Variants in EPHA6 observed in about 807,000 individuals in gnomAD.
EPHA6 encodes ephrin type-A receptor 6.
EPHA6 carries 50 observed loss-of-function variants against 112.0 expected under a neutral mutation model. The ratio of observed to expected loss-of-function variants is 0.45; its 90% CI spans 0.36 to 0.56. The LOEUF (loss-of-function observed/expected upper bound fraction) is 0.56, where lower values mean the gene tolerates loss of function less well. Ranked by LOEUF, EPHA6 falls within the 20% of genes least tolerant of loss-of-function variation. The pLI is 0.00. For synonymous variants in EPHA6, 529 were observed against 490.7 expected (o/e 1.08, Z -1.03); for missense variants, 1,280 against 1,417.4 (o/e 0.90, Z 1.56).
chr3:97,591,800 A>G (rs2093547184), intron 11 of EPHA6, among the ~76,000 whole-genome samples: 1 of 152,148 alleles, frequency 6.6e-6, no homozygotes, highest in Non-Finnish European at 1.5e-5. Flanking sequence ...ATTTATTTTT[A>G]TTCTAGTGTG....
chr3:97,641,754 C>T (rs144290662), intron 14 of EPHA6, among the ~76,000 whole-genome samples: 2,202 of 152,326 alleles, frequency 0.014, 20 homozygotes, highest in Non-Finnish European at 0.022. Flanking sequence ...CAGCGCACCA[C>T]GAGATTATAT....
chr3:97,000,554 T>C (rs1183060140), intron 3 of EPHA6, among the ~76,000 whole-genome samples: 1 of 151,752 alleles, frequency 6.6e-6, no homozygotes, highest in Non-Finnish European at 1.5e-5. Flanking sequence ...GCATTTTCTT[T>C]CTCTAGCTCT....
At chr3:97,715,785 T>G (rs1338981086) in intron 14 of EPHA6, among the ~76,000 whole-genome samples, 3 of 152,212 alleles carry the variant, frequency 2.0e-5, no homozygotes, top group Admixed American at 1.3e-4. Context: ...ACAGTACTTC[T>G]TGTTCCCTCA....
chr3:97,661,403 G>A (rs571688893), intron 14 of EPHA6, among the ~76,000 whole-genome samples: 71 of 152,172 alleles, frequency 4.7e-4, no homozygotes, highest in African/African-American at 1.7e-3. Context: ...GAACATTAGC[G>A]TTTATGTGGG....
In EPHA6 at chr3:97,745,343, C is replaced by T. The variant is rs1156375007; in HGVS notation, c.3129-2080C>T. The stretch of plus-strand genomic sequence containing the variant: ...ATAGCTTTCCAATCTTTGAATATGA[C>T]TGATCTTTGTTTTAGGTCAAATCAT... On this transcript the variant is annotated intron_variant, in intron 16 of 17. Transcript: ENST00000389672. The T allele has an allele frequency of 6.6e-6, 3 of 452,106 alleles. No homozygotes were observed. In the Admixed American group the frequency reaches 7.2e-5, roughly 11 times the overall value. 28.0% of individuals were successfully genotyped at this position (452,106 alleles called of 1,614,324 possible).
chr3:96,836,908 C>A (rs2034449313), intron 1 of EPHA6, among the ~76,000 whole-genome samples: 1 of 152,134 alleles, frequency 6.6e-6, no homozygotes, highest in Non-Finnish European at 1.5e-5. Context: ...CCTCCTTTCA[C>A]CCCCTATGAG....
intron 11 of EPHA6, among the ~76,000 whole-genome samples, chr3:97,570,460 G>T (rs577423523): frequency 2.0e-4 from 30 of 152,162 alleles, no homozygotes; most frequent in Non-Finnish European, 3.5e-4. Context: ...GGCTGGGCGC[G>T]GTGGCTCACG....
At chr3:97,319,707 A>AAAAAC (rs771017010) in intron 5 of EPHA6, among the ~76,000 whole-genome samples, 2,654 of 151,334 alleles carry the variant, frequency 0.018, 67 homozygotes, top group African/African-American at 0.054. Context: ...AACAACACCA[A>AAAAAC]AAAACAAAAC....
chr3:97,753,241 T>C lies in EPHA6; in HGVS notation c.*4540T>C, dbSNP rs180846985. Among the ~76,000 whole-genome samples, 3 of 152,288 alleles carry C rather than the reference T, an allele frequency of 2.0e-5. No individual in the cohort carries two copies. On this transcript the variant is annotated 3_prime_UTR_variant, in exon 18 of 18. Coordinates refer to ENST00000389672, the MANE Select transcript of EPHA6 (RefSeq NM_001080448.3). ...AAAGATACGTTTGGCTGTGCTGTCATTGCTTTCAAGTAACTCTCATTATTA... is the reference window on the plus strand; with the variant it reads ...AAAGATACGTTTGGCTGTGCTGTCACTGCTTTCAAGTAACTCTCATTATTA...
chr3:97,242,849 G>A (rs1403678808), intron 4 of EPHA6, among the ~76,000 whole-genome samples: 1 of 151,566 alleles, frequency 6.6e-6, no homozygotes, highest in Non-Finnish European at 1.5e-5. Flanking sequence ...TGGCGTGACT[G>A]TTGTTTCAAC....
At chr3:97,705,043 C>G (rs2033604182) in intron 14 of EPHA6, among the ~76,000 whole-genome samples, 1 of 152,046 alleles carries the variant, frequency 6.6e-6, no homozygotes, top group East Asian at 1.9e-4. Flanking sequence ...TTTATCATCC[C>G]CTTGCTTAAA....
intron 5 of EPHA6, among the ~76,000 whole-genome samples, chr3:97,257,046 T>A (rs533072738): frequency 4.6e-5 from 7 of 152,058 alleles, no homozygotes; most frequent in African/African-American, 1.7e-4. Context: ...TAATATAGGA[T>A]AAAGAATATA....
intron 2 of EPHA6, among the ~76,000 whole-genome samples, chr3:96,947,711 A>G (rs955776488): frequency 6.6e-6 from 1 of 152,192 alleles, no homozygotes; most frequent in African/African-American, 2.4e-5. Flanking sequence ...GGAGCTCTTC[A>G]AGGAGAACTA....
At chr3:97,713,986 C>T (rs956197668) in intron 14 of EPHA6, among the ~76,000 whole-genome samples, 3 of 152,204 alleles carry the variant, frequency 2.0e-5, no homozygotes, top group Admixed American at 6.5e-5. Context: ...ACACAGATTT[C>T]CTTGAACTGG....
chr3:97,370,118 A>T (rs992938005), intron 5 of EPHA6, among the ~76,000 whole-genome samples: 1 of 152,134 alleles, frequency 6.6e-6, no homozygotes, highest in Admixed American at 6.6e-5. Flanking sequence ...AGCAAAATCA[A>T]CTCAAATTGA....
chr3:97,630,763 C>G (rs1259971533), intron 13 of EPHA6, among the ~76,000 whole-genome samples: 1 of 151,960 alleles, frequency 6.6e-6, no homozygotes, highest in East Asian at 1.9e-4. Context: ...GTTTTCCTTC[C>G]CTTTACATGA....
intron 5 of EPHA6, among the ~76,000 whole-genome samples, chr3:97,281,224 T>C (rs986303008): frequency 6.8e-6 from 1 of 146,032 alleles, no homozygotes; most frequent in Admixed American, 7.1e-5. Context: ...TGTGTGTGTG[T>C]GTGTGCGCGC....
intron 2 of EPHA6, among the ~76,000 whole-genome samples, chr3:96,984,288 G>A (rs532876382): frequency 6.6e-6 from 1 of 152,302 alleles, no homozygotes; most frequent in African/African-American, 2.4e-5. Context: ...ACCCTCAGCT[G>A]CAGGTCTGTT....
chr3:97,376,830 T>C (rs1439243829), intron 5 of EPHA6, among the ~76,000 whole-genome samples: 1 of 152,208 alleles, frequency 6.6e-6, no homozygotes, highest in Non-Finnish European at 1.5e-5. Context: ...TAAGTAATAG[T>C]TCATGATTTC....
Sources: gnomAD v4.1 joint callset for allele counts (sites outside exome capture counted in the v4.1 genomes callset) on GRCh38, gnomAD v4.1.1 for gene constraint, MANE v1.5 for transcripts, NCBI Gene and HGNC (gene_info 2026-07-23, HGNC 2026-07-21) for gene names.